SULF1: variants seen among roughly 807,000 people sequenced by gnomAD.
SULF1 encodes sulfatase 1, also known as extracellular sulfatase Sulf-1.
SULF1 carries 46 observed loss-of-function variants against 110.5 expected under a neutral mutation model. That is an observed-to-expected ratio of 0.42 (90% CI 0.33 to 0.53). The LOEUF is 0.53. SULF1 is among the 20% of genes least tolerant of loss of function. The probability of loss-of-function intolerance (pLI) is 0.12; values close to 1 mark genes in which losing one functional copy is unlikely to be tolerated. For synonymous variants in SULF1, 371 were observed against 387.1 expected (o/e 0.96, Z 0.49); for missense variants, 941 against 1,094.2 (o/e 0.86, Z 1.98).
At chr8:69,552,088 T>C (rs1437800523) in intron 3 of SULF1, among the ~76,000 whole-genome samples, 1 of 152,160 alleles carries the variant, frequency 6.6e-6, no homozygotes, top group Non-Finnish European at 1.5e-5. Flanking sequence ...AGTGAAACTA[T>C]GTCTCAAAGA....
At chr8:69,598,526 G>A (rs1448714179) in intron 8 of SULF1, among the ~76,000 whole-genome samples, 1 of 152,074 alleles carries the variant, frequency 6.6e-6, no homozygotes, top group Non-Finnish European at 1.5e-5. Context: ...TGAGTAGCTG[G>A]GATTACAGGC....
chr8:69,569,903 A>C (rs547360892), intron 5 of SULF1, among the ~76,000 whole-genome samples: 1 of 135,230 alleles, frequency 7.4e-6, no homozygotes, highest in Admixed American at 7.5e-5. Flanking sequence ...CCAATTCCAT[A>C]GTTTGGGTAG....
chr8:69,537,704 A>G (rs1813519887), intron 3 of SULF1, among the ~76,000 whole-genome samples: 1 of 152,316 alleles, frequency 6.6e-6, no homozygotes, highest in East Asian at 1.9e-4. Flanking sequence ...GTCAGGGGAC[A>G]CTGAGGCTAA....
intron 6 of SULF1, among the ~76,000 whole-genome samples, chr8:69,578,150 A>G (rs1375787333): frequency 6.6e-6 from 1 of 152,214 alleles, no homozygotes; most frequent in Non-Finnish European, 1.5e-5. Context: ...AAAACAATTC[A>G]GTTGCCTCTA....
intron 3 of SULF1, among the ~76,000 whole-genome samples, chr8:69,526,835 A>AAGGAAGGAAGGAAGGG (rs1563498438): frequency 7.4e-6 from 1 of 134,770 alleles, no homozygotes; most frequent in South Asian, 2.3e-4. Context: ...GGAAGGAAGG[A>AAGGAAGGAAGGAAGGG]AGGAAGGGAG....
chr8:69,649,972 CTTTTT>C (rs536073966), intron 22 of SULF1, among the ~76,000 whole-genome samples: 3 of 30,586 alleles, frequency 9.8e-5, no homozygotes, highest in African/African-American at 3.3e-4. Flanking sequence ...CTCCTGCTTG[CTTTTT>C]TTTTTTTTTT....
chr8:69,631,511 G>A (rs527619535), intron 19 of SULF1, among the ~76,000 whole-genome samples: 6 of 152,310 alleles, frequency 3.9e-5, no homozygotes, highest in African/African-American at 9.6e-5. Context: ...AGCTGTGATC[G>A]TGCCCTCACA....
chr8:69,499,619 A>G (rs1810648586), intron 2 of SULF1, among the ~76,000 whole-genome samples: 1 of 152,168 alleles, frequency 6.6e-6, no homozygotes, highest in African/African-American at 2.4e-5. Flanking sequence ...GAAACAAACA[A>G]ACCTTCATAC....
chr8:69,656,939 G>A (rs1342074105), intron 22 of SULF1, among the ~76,000 whole-genome samples: 1 of 152,132 alleles, frequency 6.6e-6, no homozygotes, highest in African/African-American at 2.4e-5. Context: ...ACTCCCACCA[G>A]CAGTGTGAAA....
chr8:69,494,059 T>C (rs2150559102), intron 1 of SULF1, among the ~76,000 whole-genome samples: 1 of 152,162 alleles, frequency 6.6e-6, no homozygotes, highest in Non-Finnish European at 1.5e-5. Context: ...GATTATAACT[T>C]GGTATGCTAT....
chr8:69,583,393 C>A (rs969232742), intron 6 of SULF1, among the ~76,000 whole-genome samples: 1 of 138,830 alleles, frequency 7.2e-6, no homozygotes, highest in African/African-American at 2.6e-5. Flanking sequence ...TATGGTGAAA[C>A]CCCATCTCTA....
At chr8:69,503,606 A>G (rs1023529863) in intron 3 of SULF1, among the ~76,000 whole-genome samples, 2 of 152,082 alleles carry the variant, frequency 1.3e-5, no homozygotes, top group Non-Finnish European at 2.9e-5. Context: ...TGATGCATCA[A>G]TTTTTATGTT....
At chr8:69,491,106 G>A (rs1046427858), upstream of SULF1, among the ~76,000 whole-genome samples, 14 of 152,190 alleles carry the variant, frequency 9.2e-5, no homozygotes, top group African/African-American at 3.4e-4. Flanking sequence ...TGGAGAGCAT[G>A]TACTGCATAG....
intron 13 of SULF1, among the ~76,000 whole-genome samples, chr8:69,606,114 G>A (rs1289633583): frequency 6.6e-6 from 1 of 152,108 alleles, no homozygotes; most frequent in Non-Finnish European, 1.5e-5. Flanking sequence ...CTCATTATAC[G>A]CTTATTATAT....
At chr8:69,502,085 A>T (rs576943405) in intron 3 of SULF1, 117 bp downstream of exon 3, 1 of 152,310 alleles carries the variant, frequency 6.6e-6, no homozygotes, top group South Asian at 2.1e-4. Context: ...AGAAACTGAA[A>T]AGTCAATGGT....
intron 1 of SULF1, among the ~76,000 whole-genome samples, chr8:69,480,268 T>A (rs1809464039): frequency 6.6e-6 from 1 of 152,198 alleles, no homozygotes; most frequent in South Asian, 2.1e-4. Flanking sequence ...AAGCAGTGTG[T>A]CATTTCTGTA....
chr8:69,604,905 C>T lies in SULF1; in HGVS notation c.1350C>T (p.Tyr450=), dbSNP rs1195433038. 1 of 1,614,194 alleles carries T rather than the reference C, an allele frequency of 6.2e-7. No homozygotes were observed. Among genetic ancestry groups the T allele is most frequent in the South Asian group, 1.1e-5 (1 of 91,072 alleles). The stretch of plus-strand genomic sequence containing the variant: ...AAGAACTATGCCAGCAGGCCAGGTA[C>T]CAGACAGCCTGTGAACAACCGGGGC... ...RVKELCQQAR[Y]QTACEQPGQK... Residue 450 remains tyrosine, a synonymous_variant, in exon 13 of 23, where the codon TAC becomes TAT. Coordinates refer to ENST00000402687, the MANE Select transcript of SULF1 (RefSeq NM_001128205.2).
chr8:69,588,776 C>T (rs1018139625), intron 7 of SULF1, among the ~76,000 whole-genome samples, 196 bp from the exon 8 acceptor site: 14 of 152,156 alleles, frequency 9.2e-5, no homozygotes, highest in African/African-American at 3.4e-4. Context: ...AAGCTAGCAA[C>T]CCTAGAAAAC....
At chr8:69,517,673 G>C (rs1217185549) in intron 3 of SULF1, among the ~76,000 whole-genome samples, 1 of 152,164 alleles carries the variant, frequency 6.6e-6, no homozygotes, top group Non-Finnish European at 1.5e-5. Context: ...ACTATGGGGT[G>C]AGTTAATTTT....
Sources: allele counts gnomAD v4.1 joint callset (sites outside exome capture counted in the v4.1 genomes callset), GRCh38; gene constraint gnomAD v4.1.1; transcripts MANE v1.5; gene names NCBI Gene and HGNC (gene_info 2026-07-23, HGNC 2026-07-21).